Variants in LRRIQ1 observed in about 807,000 individuals in gnomAD.
The protein encoded by LRRIQ1 is leucine rich repeats and IQ motif containing 1, also known as leucine-rich repeat- and IQ domain-containing protein 1.
LRRIQ1 carries 210 observed loss-of-function variants against 211.9 expected under a neutral mutation model. The observed-to-expected ratio is 0.99, with a 90% CI of 0.89 to 1.11. The LOEUF (loss-of-function observed/expected upper bound fraction) is 1.11. LRRIQ1 is among the 50% of genes most tolerant of loss of function. The pLI, the probability that LRRIQ1 is intolerant of heterozygous loss-of-function variation, is 0.00. For missense variants in LRRIQ1, 2,136 were observed against 1,939.5 expected (o/e 1.10, Z -1.90); for synonymous variants, 699 against 650.1 (o/e 1.08, Z -1.14).
At chr12:85,093,141 T>C (rs1229000418) in intron 11 of LRRIQ1, among the ~76,000 whole-genome samples, 2 of 152,204 alleles carry the variant, frequency 1.3e-5, no homozygotes, top group African/African-American at 4.8e-5. Flanking sequence ...ATATGTTATG[T>C]ACACTTTTGT....
chr12:85,093,043 A>G (rs181345804), intron 11 of LRRIQ1, among the ~76,000 whole-genome samples: 15 of 152,316 alleles, frequency 9.8e-5, no homozygotes, highest in Admixed American at 9.2e-4. Context: ...ATGGTACACA[A>G]TCCAGGTTGA....
intron 19 of LRRIQ1, among the ~76,000 whole-genome samples, chr12:85,149,575 T>C (rs1890105112): frequency 6.6e-6 from 1 of 151,802 alleles, no homozygotes; most frequent in African/African-American, 2.4e-5. Flanking sequence ...AAGCATGATA[T>C]ATTAACATAC....
intron 24 of LRRIQ1, among the ~76,000 whole-genome samples, chr12:85,168,236 G>T (rs1891246283): frequency 6.6e-6 from 1 of 152,068 alleles, no homozygotes; most frequent in African/African-American, 2.4e-5. Context: ...GCCCTGCCTG[G>T]AGTGGGTTCC....
At chr12:85,135,567 G>A (rs1274353885) in intron 18 of LRRIQ1, among the ~76,000 whole-genome samples, 4 of 151,746 alleles carry the variant, frequency 2.6e-5, no homozygotes, top group African/African-American at 7.3e-5. Context: ...AATTAGAAAG[G>A]CAAGTTAAAT....
Position 85,050,619 on chromosome 12 carries a change from C to T in LRRIQ1, c.679-1558C>T, listed in dbSNP as rs114028966. Reference sequence around the variant, plus strand: ...ATTATTGTATTATCCATCTTCGCATCCATGTACTTTACAGCTCCTTTGTAG... The same window carrying T: ...ATTATTGTATTATCCATCTTCGCATTCATGTACTTTACAGCTCCTTTGTAG... On this transcript the variant is annotated intron_variant, in intron 6 of 26. Transcript: ENST00000393217. Among the ~76,000 whole-genome samples, 153 of 152,234 alleles carry T rather than the reference C, an allele frequency of 1.0e-3. 1 individual carries two copies. The highest frequency in any genetic ancestry group is 3.6e-3 in the African/African-American group (150 of 41,528).
chr12:85,142,281 C>T (rs1889595677), intron 19 of LRRIQ1, among the ~76,000 whole-genome samples: 1 of 150,980 alleles, frequency 6.6e-6, no homozygotes, highest in Admixed American at 6.6e-5. Flanking sequence ...TCTTTATTGC[C>T]CTGCTTGGAG....
At chr12:85,138,067 A>G (rs1461407831) in intron 19 of LRRIQ1, 98 bp downstream of exon 19, 2 of 704,982 alleles carry the variant, frequency 2.8e-6, no homozygotes, top group Non-Finnish European at 4.5e-6. Context: ...TCCTATTAAT[A>G]TTGTTACAGA....
intron 7 of LRRIQ1, among the ~76,000 whole-genome samples, chr12:85,053,184 A>ATG (rs541301543): frequency 2.6e-5 from 4 of 152,242 alleles, no homozygotes; most frequent in Admixed American, 2.6e-4. Context: ...CACAAGAAAT[A>ATG]TGTGACACAT....
intron 26 of LRRIQ1, among the ~76,000 whole-genome samples, chr12:85,242,741 T>C (rs1023785002): frequency 1.3e-5 from 2 of 151,874 alleles, no homozygotes. Flanking sequence ...AACTAGCCCA[T>C]TTATGAAATT....
intron 24 of LRRIQ1, among the ~76,000 whole-genome samples, chr12:85,212,697 G>GTATGTA (rs1293773637): frequency 6.0e-5 from 9 of 150,192 alleles, no homozygotes; most frequent in African/African-American, 2.2e-4. Context: ...TAAATTCCAT[G>GTATGTA]TATGTATATG....
intron 24 of LRRIQ1, among the ~76,000 whole-genome samples, chr12:85,176,748 A>T (rs1405931106): frequency 8.1e-6 from 1 of 123,614 alleles, no homozygotes; most frequent in East Asian, 2.0e-4. Context: ...ATAATAAAAA[A>T]TAAAAAAAAA....
At chr12:85,173,367 T>C (rs768208166) in intron 24 of LRRIQ1, among the ~76,000 whole-genome samples, 7 of 152,178 alleles carry the variant, frequency 4.6e-5, no homozygotes, top group Admixed American at 1.3e-4. Flanking sequence ...AATGCTGATA[T>C]ATGTGTCCTA....
chr12:85,159,774 T>C (rs1890764281), intron 23 of LRRIQ1, among the ~76,000 whole-genome samples: 1 of 152,094 alleles, frequency 6.6e-6, no homozygotes, highest in East Asian at 1.9e-4. Context: ...TGTAAATGAC[T>C]TAGATGATAT....
chr12:85,210,807 G>A (rs1020582045), intron 24 of LRRIQ1, among the ~76,000 whole-genome samples: 2 of 152,292 alleles, frequency 1.3e-5, no homozygotes, highest in South Asian at 4.1e-4. Flanking sequence ...AAACTTAGAA[G>A]ATAAAGATAG....
intron 19 of LRRIQ1, among the ~76,000 whole-genome samples, chr12:85,142,968 A>AAAATT (rs1889646864): frequency 6.6e-6 from 1 of 151,560 alleles, no homozygotes; most frequent in Admixed American, 6.6e-5. Context: ...CTTTTGGTAT[A>AAAATT]CCTAGTAGTG....
At position 85,203,875 on chromosome 12, in the gene LRRIQ1, G is replaced by T. The variant is rs762720057; in HGVS notation, c.4823-25642G>T. 3.3e-5 allele frequency among the ~76,000 whole-genome samples: 5 copies of T among 152,266 alleles called. No homozygotes were observed. In the East Asian group the frequency reaches 9.7e-4, roughly 29 times the overall value. On this transcript the variant is annotated intron_variant, in intron 24 of 26. Coordinates refer to ENST00000393217, the MANE Select transcript of LRRIQ1 (RefSeq NM_001079910.2). ...GAAAATCCCATTTTCCGAGGAGAAGGTCAAGCAGGCTGCAGAAATTTGCAT... is the reference window on the plus strand; with the variant it reads ...GAAAATCCCATTTTCCGAGGAGAAGTTCAAGCAGGCTGCAGAAATTTGCAT...
At chr12:85,160,355 C>A (rs1269401186) in intron 23 of LRRIQ1, among the ~76,000 whole-genome samples, 2 of 152,014 alleles carry the variant, frequency 1.3e-5, no homozygotes, top group African/African-American at 4.8e-5. Flanking sequence ...TGTATCCCAT[C>A]TCCCCACAGT....
intron 19 of LRRIQ1, among the ~76,000 whole-genome samples, chr12:85,138,678 C>T (rs535511096): frequency 1.8e-4 from 27 of 151,326 alleles, no homozygotes; most frequent in African/African-American, 4.1e-4. Flanking sequence ...TTAATATAAC[C>T]GTAAAGGTCA....
intron 24 of LRRIQ1, chr12:85,162,728 G>GT (rs1245273410): frequency 2.2e-6 from 1 of 455,468 alleles, no homozygotes; most frequent in Non-Finnish European, 4.4e-6. Flanking sequence ...GCTTTACGAT[G>GT]TGATGTTCTA....
Sources: allele counts gnomAD v4.1 joint callset (sites outside exome capture counted in the v4.1 genomes callset), GRCh38; gene constraint gnomAD v4.1.1; transcripts MANE v1.5; gene names NCBI Gene and HGNC (gene_info 2026-07-23, HGNC 2026-07-21).